Variants in MPP7 observed in about 807,000 individuals in gnomAD.
MPP7 encodes the protein MAGUK p55 scaffold protein 7, also known as MAGUK p55 subfamily member 7.
Under a neutral mutation model 76.5 loss-of-function variants are expected in MPP7, and 60 were observed. The observed-to-expected ratio is 0.78, with a 90% CI of 0.64 to 0.97. The LOEUF (loss-of-function observed/expected upper bound fraction) is 0.97, where lower values mean the gene tolerates loss of function less well. MPP7 is among the 50% of genes least tolerant of loss of function. The pLI, the probability that MPP7 is intolerant of heterozygous loss-of-function variation, is 0.00. For missense variants in MPP7, 641 were observed against 694.0 expected (o/e 0.92, Z 0.86); for synonymous variants, 237 against 244.5 (o/e 0.97, Z 0.29).
intron 12 of MPP7, among the ~76,000 whole-genome samples, chr10:28,078,778 G>A (rs1252073706): frequency 6.6e-6 from 1 of 152,158 alleles, no homozygotes; most frequent in Admixed American, 6.5e-5. Flanking sequence ...TCCTTTTTAT[G>A]CATTTAATTA....
At chr10:28,184,951 TATA>T (rs1188095492) in intron 3 of MPP7, among the ~76,000 whole-genome samples, 2 of 147,220 alleles carry the variant, frequency 1.4e-5, no homozygotes, top group African/African-American at 4.9e-5. Flanking sequence ...AATGTAATAA[TATA>T]ATATATTTAT....
chr10:28,112,904 G>T (rs7894841), intron 11 of MPP7, among the ~76,000 whole-genome samples: 1 of 152,138 alleles, frequency 6.6e-6, no homozygotes, highest in Non-Finnish European at 1.5e-5. Flanking sequence ...CATTGTGAAT[G>T]CAGGCTTAAC....
intron 2 of MPP7, among the ~76,000 whole-genome samples, chr10:28,312,892 C>G (rs948334508): frequency 2.6e-5 from 4 of 152,140 alleles, no homozygotes; most frequent in Admixed American, 2.0e-4. Flanking sequence ...CTAAGTAACT[C>G]CTTGTTCCAC....
intron 5 of MPP7, among the ~76,000 whole-genome samples, chr10:28,132,693 A>C (rs1835232339): frequency 6.6e-6 from 1 of 152,086 alleles, no homozygotes; most frequent in African/African-American, 2.4e-5. Flanking sequence ...TCCACCTCCC[A>C]GGTTCAAGCA....
intron 5 of MPP7, among the ~76,000 whole-genome samples, chr10:28,134,093 T>C (rs567268736): frequency 2.6e-5 from 4 of 152,338 alleles, no homozygotes; most frequent in African/African-American, 7.2e-5. Flanking sequence ...GGGTCATAGA[T>C]ATATAGTAAG....
chr10:28,299,317 A>T (rs977325393), intron 1 of MPP7, among the ~76,000 whole-genome samples: 3 of 152,162 alleles, frequency 2.0e-5, no homozygotes, highest in African/African-American at 7.2e-5. Context: ...TAATTGGCCT[A>T]ATTTCAATAT....
intron 3 of MPP7, among the ~76,000 whole-genome samples, chr10:28,169,355 G>A (rs7094880): frequency 0.13 from 20,067 of 151,636 alleles, 2,022 homozygotes; most frequent in African/African-American, 0.28. Context: ...GCCAGGAAAG[G>A]TCCCCAGCTA....
At chr10:28,250,776 C>T (rs1467030285) in intron 1 of MPP7, among the ~76,000 whole-genome samples, 1 of 152,206 alleles carries the variant, frequency 6.6e-6, no homozygotes, top group Admixed American at 6.5e-5. Context: ...AATTTGATCA[C>T]TCTAGTTCCT....
intron 1 of MPP7, among the ~76,000 whole-genome samples, chr10:28,275,257 C>T (rs751652839): frequency 6.6e-5 from 10 of 152,168 alleles, no homozygotes; most frequent in Non-Finnish European, 1.5e-4. Context: ...CTCCCCAAGA[C>T]GTGCTCTTCT....
At chr10:28,125,190 A>C in intron 6 of MPP7, 99 bp from the exon 7 acceptor site, 1 of 997,122 alleles carries the variant, frequency 1.0e-6, no homozygotes, top group Non-Finnish European at 1.5e-6. Context: ...AGAGAAAACA[A>C]CTACAAAAAC....
chr10:28,311,759 T>TACACACACACAC (rs112717112), intron 2 of MPP7, among the ~76,000 whole-genome samples: 12 of 148,714 alleles, frequency 8.1e-5, no homozygotes, highest in Admixed American at 4.0e-4. Flanking sequence ...GATGTGTTAA[T>TACACACACACAC]ACACACACAC....
At chr10:28,114,488 T>C (rs1333597026) in intron 11 of MPP7, among the ~76,000 whole-genome samples, 2 of 152,118 alleles carry the variant, frequency 1.3e-5, no homozygotes, top group Admixed American at 6.5e-5. Flanking sequence ...AGAAAGGTTC[T>C]GTGAAAAGCA....
At chr10:28,258,382 T>TTATA (rs59151395) in intron 1 of MPP7, among the ~76,000 whole-genome samples, 3,212 of 141,194 alleles carry the variant, frequency 0.023, 50 homozygotes, top group Middle Eastern at 0.051. Flanking sequence ...ATATTAAATA[T>TTATA]TATATATATA....
intron 11 of MPP7, among the ~76,000 whole-genome samples, chr10:28,093,127 G>C (rs1853400223): frequency 6.6e-6 from 1 of 152,130 alleles, no homozygotes; most frequent in Non-Finnish European, 1.5e-5. Context: ...ACAAAAGTTA[G>C]AATGCTGATA....
At chr10:28,151,880 T>C (rs1225784045) in intron 3 of MPP7, among the ~76,000 whole-genome samples, 2 of 152,176 alleles carry the variant, frequency 1.3e-5, no homozygotes, top group African/African-American at 4.8e-5. Flanking sequence ...GGCTGCCTAA[T>C]GAATATGGCC....
At chr10:28,236,146 A>G (rs1177015776) in intron 2 of MPP7, among the ~76,000 whole-genome samples, 1 of 152,212 alleles carries the variant, frequency 6.6e-6, no homozygotes, top group Non-Finnish European at 1.5e-5. Context: ...CTGACTGTAG[A>G]TCATTCGGTG....
At chr10:28,194,022 G>T (rs573783343) in intron 3 of MPP7, among the ~76,000 whole-genome samples, 1 of 152,102 alleles carries the variant, frequency 6.6e-6, no homozygotes, top group African/African-American at 2.4e-5. Context: ...GTTTGTTTTT[G>T]AAATGTTTTT....
intron 2 of MPP7, among the ~76,000 whole-genome samples, chr10:28,321,252 T>A (rs991854800): frequency 5.9e-5 from 9 of 152,236 alleles, no homozygotes; most frequent in Admixed American, 4.6e-4. Context: ...TAATTTTAGA[T>A]ATGAAAATAG....
At chr10:28,284,989 C>T (rs1840760499) in intron 1 of MPP7, among the ~76,000 whole-genome samples, 1 of 152,114 alleles carries the variant, frequency 6.6e-6, no homozygotes, top group Non-Finnish European at 1.5e-5. Flanking sequence ...AATGACTTTT[C>T]TATTAATAGT....
Sources: gnomAD v4.1 joint callset for allele counts (sites outside exome capture counted in the v4.1 genomes callset) on GRCh38, gnomAD v4.1.1 for gene constraint, MANE v1.5 for transcripts, NCBI Gene and HGNC (gene_info 2026-07-23, HGNC 2026-07-21) for gene names.